MED27: variants seen among roughly 807,000 people sequenced by gnomAD.
MED27 encodes the protein mediator of RNA polymerase II transcription subunit 27.
In MED27, 30 loss-of-function variants were observed where a neutral mutation model predicts 38.2. The ratio of observed to expected loss-of-function variants is 0.79; its 90% CI spans 0.59 to 1.07. The LOEUF (loss-of-function observed/expected upper bound fraction) is 1.07, where lower values mean the gene tolerates loss of function less well. Among genes scored for constraint, MED27 ranks in the 50% least tolerant of loss-of-function variants. The pLI, the probability that MED27 is intolerant of heterozygous loss-of-function variation, is 0.00. For missense variants in MED27, 289 were observed against 397.5 expected, an observed-to-expected ratio of 0.73 and a Z score of 2.32; for synonymous variants, 122 against 153.5, an observed-to-expected ratio of 0.79 and a Z score of 1.52.
intron 6 of MED27, among the ~76,000 whole-genome samples, chr9:131,877,575 CAAAT>C (rs1334530429): frequency 6.6e-6 from 1 of 152,056 alleles, no homozygotes; most frequent in African/African-American, 2.4e-5. Context: ...GACCCCGTCT[CAAAT>C]AAATAAATAA....
At chr9:131,979,047 T>C (rs80347269) in intron 3 of MED27, among the ~76,000 whole-genome samples, 3,897 of 152,320 alleles carry the variant, frequency 0.026, 50 homozygotes, top group South Asian at 0.052. Flanking sequence ...TAGCTACAAC[T>C]ACCTGGTGAC....
chr9:131,927,907 T>C (rs1332194982), intron 4 of MED27, among the ~76,000 whole-genome samples: 1 of 152,184 alleles, frequency 6.6e-6, no homozygotes, highest in African/African-American at 2.4e-5. Flanking sequence ...CAGGAGCTTC[T>C]TGGCAGGGAC....
intron 5 of MED27, among the ~76,000 whole-genome samples, chr9:131,884,518 A>T (rs116642709): frequency 0.011 from 1,675 of 151,846 alleles, 23 homozygotes; most frequent in African/African-American, 0.036. Flanking sequence ...TACTCCCTTG[A>T]GCTCAAATGT....
At chr9:131,907,033 T>C (rs1830076868) in intron 4 of MED27, among the ~76,000 whole-genome samples, 1 of 152,232 alleles carries the variant, frequency 6.6e-6, no homozygotes, top group African/African-American at 2.4e-5. Context: ...ATAATTAGCA[T>C]ATAATGAGTA....
At chr9:131,908,203 G>C (rs1476755791) in intron 4 of MED27, among the ~76,000 whole-genome samples, 1 of 149,190 alleles carries the variant, frequency 6.7e-6, no homozygotes, top group Non-Finnish European at 1.5e-5. Context: ...GCCCTACTGG[G>C]AAGTGAGGAG....
intron 2 of MED27, among the ~76,000 whole-genome samples, chr9:132,039,283 G>A (rs1405557111): frequency 3.3e-5 from 5 of 152,152 alleles, no homozygotes; most frequent in East Asian, 3.9e-4. Flanking sequence ...GCTGAGAGGC[G>A]GGAGAACTCA....
chr9:131,935,767 T>G (rs1232625297), intron 4 of MED27, among the ~76,000 whole-genome samples: 1 of 152,204 alleles, frequency 6.6e-6, no homozygotes, highest in Non-Finnish European at 1.5e-5. Flanking sequence ...AATTGAGTGA[T>G]GAGCTCATGG....
intron 4 of MED27, among the ~76,000 whole-genome samples, chr9:131,896,275 T>G (rs1003641554): frequency 1.3e-5 from 2 of 152,214 alleles, no homozygotes; most frequent in Non-Finnish European, 2.9e-5. Flanking sequence ...AGGTCCCACA[T>G]GTTCTCCACA....
intron 3 of MED27, among the ~76,000 whole-genome samples, chr9:131,995,198 C>T (rs868418914): frequency 7.2e-5 from 11 of 151,908 alleles, no homozygotes; most frequent in South Asian, 2.1e-4. Context: ...GGAGGGGACA[C>T]GAAGGGTGGA....
intron 4 of MED27, among the ~76,000 whole-genome samples, chr9:131,897,492 C>A (rs1197017363): frequency 1.3e-5 from 2 of 152,190 alleles, no homozygotes; most frequent in African/African-American, 4.8e-5. Flanking sequence ...CTTGATAATA[C>A]TGGAGCGTTA....
intron 4 of MED27, among the ~76,000 whole-genome samples, chr9:131,923,407 C>A (rs924012249): frequency 6.6e-6 from 1 of 152,140 alleles, no homozygotes; most frequent in Non-Finnish European, 1.5e-5. Context: ...ACCAGCCAAC[C>A]AACTGAAGTT....
intron 1 of MED27, 95 bp from the exon 2 acceptor site, chr9:132,077,681 C>A: frequency 8.0e-7 from 1 of 1,257,648 alleles, no homozygotes; most frequent in Non-Finnish European, 1.1e-6. Context: ...TTCAAACCAT[C>A]CATCAGAAGT....
chr9:131,985,928 G>A (rs890251154), intron 3 of MED27, among the ~76,000 whole-genome samples: 2 of 151,630 alleles, frequency 1.3e-5, no homozygotes, highest in African/African-American at 4.9e-5. Context: ...GTGTGCATTT[G>A]TGTCTTTGGT....
chr9:132,047,441 G>GACACACACACACACAC (rs56144736), intron 2 of MED27, among the ~76,000 whole-genome samples: 73 of 145,268 alleles, frequency 5.0e-4, no homozygotes, highest in African/African-American at 8.2e-4. Flanking sequence ...TAATGTTTTA[G>GACACACACACACACAC]ACACACACAC....
intron 3 of MED27, among the ~76,000 whole-genome samples, chr9:131,992,050 C>T (rs964832616): frequency 8.5e-5 from 13 of 152,168 alleles, no homozygotes; most frequent in African/African-American, 3.1e-4. Flanking sequence ...AAGACATTTA[C>T]CCAAAATGAA....
intron 2 of MED27, among the ~76,000 whole-genome samples, chr9:132,065,256 C>T (rs996938026): frequency 2.6e-5 from 4 of 152,140 alleles, no homozygotes; most frequent in Non-Finnish European, 4.4e-5. Context: ...CAGAATGCAC[C>T]GTGGCGGGAA....
chr9:131,862,361 G>A lies in MED27; in HGVS notation c.801+702C>T, dbSNP rs1275406635. ...GAGCATGCGGCCGTGTGAGCATGCT[G>A]GCGTGAGAGCATGACGGTGGAACAG... On this transcript the variant is annotated intron_variant, in intron 7 of 7. Transcript: ENST00000292035. The surrounding 1 kb of genome is among the most constrained non-coding windows in gnomAD (Gnocchi z 4.6). 1.3e-5 allele frequency among the ~76,000 whole-genome samples: 2 copies of A among 152,186 alleles called. No individual in the cohort carries two copies.
chr9:131,995,878 C>A (rs1435180770), intron 3 of MED27, among the ~76,000 whole-genome samples: 1 of 152,142 alleles, frequency 6.6e-6, no homozygotes, highest in Non-Finnish European at 1.5e-5. Flanking sequence ...ATGGTGCTCT[C>A]CCCTAATAGG....
At chr9:131,902,374 T>C (rs1829966575) in intron 4 of MED27, among the ~76,000 whole-genome samples, 1 of 152,054 alleles carries the variant, frequency 6.6e-6, no homozygotes, top group Non-Finnish European at 1.5e-5. Context: ...CTAGGAAAAC[T>C]GTAAAATTGG....
Sources: gnomAD v4.1 joint callset for allele counts (sites outside exome capture counted in the v4.1 genomes callset) on GRCh38, gnomAD v4.1.1 for gene constraint, Gnocchi (gnomAD v3.1) non-coding constraint, MANE v1.5 for transcripts, NCBI Gene and HGNC (gene_info 2026-07-23, HGNC 2026-07-21) for gene names.